Variants in CADPS observed in about 807,000 individuals in gnomAD.
CADPS encodes the protein calcium-dependent secretion activator 1.
A neutral mutation model predicts 167.3 loss-of-function variants in CADPS; 57 were observed. The observed-to-expected ratio is 0.34, with a 90% CI of 0.28 to 0.42. The LOEUF (loss-of-function observed/expected upper bound fraction) is 0.42. Among genes scored for constraint, CADPS ranks in the 20% least tolerant of loss-of-function variants. CADPS has a pLI of 1.00. For missense variants in CADPS, 1,414 were observed against 1,738.1 expected, an observed-to-expected ratio of 0.81 and a Z score of 3.32; for synonymous variants, 676 against 635.3, an observed-to-expected ratio of 1.06 and a Z score of -0.96.
At chr3:62,851,691 T>C (rs887149833) in intron 1 of CADPS, among the ~76,000 whole-genome samples, 2 of 146,596 alleles carry the variant, frequency 1.4e-5, no homozygotes, top group East Asian at 2.1e-4. Flanking sequence ...GACCTTTCTC[T>C]CTGGCTGCCC....
Position 62,399,705 on chromosome 3 carries a change from A to C in CADPS, c.3883-120T>G. The C allele has an allele frequency of 1.4e-6, 1 of 717,840 alleles. No individual in the cohort carries two copies. Among genetic ancestry groups the C allele is most frequent in the East Asian group, 2.6e-5 (1 of 39,166 alleles). 44.5% of individuals were successfully genotyped at this position (717,840 alleles called of 1,614,324 possible). Reference sequence around the variant, plus strand: ...TTCAGCTAAATATCACACTTTATGCATTGTCAAATAAAAAGCCACTGTGCT... The same window carrying C: ...TTCAGCTAAATATCACACTTTATGCCTTGTCAAATAAAAAGCCACTGTGCT... On this transcript the variant is annotated intron_variant, in intron 29 of 29. Coordinates refer to ENST00000383710, the MANE Select transcript of CADPS (RefSeq NM_003716.4). This position sits in a 1 kb window ranked among gnomAD's most constrained non-coding sequence, Gnocchi z 5.6.
At position 62,765,881 on chromosome 3, in the gene CADPS, C is replaced by T. The variant is rs1232809758; in HGVS notation, c.545G>A (p.Ser182Asn). 6.2e-7 allele frequency: 1 copy of T among 1,609,422 alleles called. No individual in the cohort carries two copies. Among genetic ancestry groups the T allele is most frequent in the Non-Finnish European group, 8.5e-7 (1 of 1,176,006 alleles). ...ADEAFMNAVQ[S>N]YYEVFLKSDR... ...AACAGTGATTCTCACCTCATAGTAA[C>T]TCTGCACAGCGTTCATGAAGGCTTC... The change falls in exon 2 of 30, where the codon AGT (serine) becomes AAT (asparagine). Residue 182 changes from serine to asparagine, a missense_variant. By Grantham distance (46) the Ser-to-Asn change is conservative. Transcript: ENST00000383710.
At chr3:62,801,998 TGTGGTTTCTATCCA>T in intron 1 of CADPS, among the ~76,000 whole-genome samples, 1 of 152,326 alleles carries the variant, frequency 6.6e-6, no homozygotes, top group African/African-American at 2.4e-5. Flanking sequence ...AACATTGCTT[TGTGGTTTCTATCCA>T]GTGAAGTCTT....
intron 17 of CADPS, 25 bp downstream of exon 17, chr3:62,512,726 T>G (rs1380464034): frequency 6.3e-7 from 1 of 1,580,974 alleles, no homozygotes; most frequent in Non-Finnish European, 8.7e-7. Flanking sequence ...CCTGATAATT[T>G]ATAATGCATA....
At chr3:62,434,272 A>T (rs1040821225) in intron 28 of CADPS, among the ~76,000 whole-genome samples, 1 of 152,216 alleles carries the variant, frequency 6.6e-6, no homozygotes, top group African/African-American at 2.4e-5. Context: ...ATGAAAAAAT[A>T]TAAAAACGCA....
chr3:62,853,635 A>AAAAAGAAAAG (rs889148384), intron 1 of CADPS, among the ~76,000 whole-genome samples: 9 of 150,508 alleles, frequency 6.0e-5, no homozygotes, highest in African/African-American at 2.2e-4. Context: ...AAAAAAAAAA[A>AAAAAGAAAAG]AAAAGAAAAG....
At position 62,875,206 on chromosome 3, in the gene CADPS, G is replaced by A; in HGVS notation, c.-177C>T. ...GACTGATCCTCTGCCCGGCGGTCGC[G>A]AGCTGGGCTCAGACCCAGAAGCGCG... On this transcript the variant is annotated 5_prime_UTR_variant, in exon 1 of 30. Coordinates refer to ENST00000383710, the MANE Select transcript of CADPS (RefSeq NM_003716.4). The A allele has an allele frequency of 1.2e-6, 1 of 833,136 alleles. No individual in the cohort carries two copies. The highest frequency in any genetic ancestry group is 1.6e-6 in the Non-Finnish European group (1 of 620,868). 51.6% of individuals were successfully genotyped at this position (833,136 alleles called of 1,614,324 possible).
chr3:62,518,636 G>T (rs1479705357), intron 13 of CADPS, among the ~76,000 whole-genome samples: 1 of 152,048 alleles, frequency 6.6e-6, no homozygotes, highest in Non-Finnish European at 1.5e-5. Flanking sequence ...TGAAAATTTG[G>T]AACAGTTAGC....
At chr3:62,710,554 T>C (rs962554056) in intron 3 of CADPS, among the ~76,000 whole-genome samples, 2 of 152,290 alleles carry the variant, frequency 1.3e-5, no homozygotes, top group South Asian at 4.1e-4. Flanking sequence ...ATGTGTAATA[T>C]GTTCAGCCTT....
At chr3:62,614,134 G>T (rs1246962816) in intron 6 of CADPS, among the ~76,000 whole-genome samples, 2 of 152,124 alleles carry the variant, frequency 1.3e-5, no homozygotes, top group Non-Finnish European at 2.9e-5. Flanking sequence ...CCTATTTATT[G>T]AGCACTTACT....
intron 1 of CADPS, among the ~76,000 whole-genome samples, chr3:62,818,999 A>G (rs1032235939): frequency 2.1e-5 from 3 of 145,126 alleles, no homozygotes; most frequent in African/African-American, 7.5e-5. Context: ...AGATAAGAAC[A>G]GTTACTGGCT....
At chr3:62,668,126 C>T (rs1332401291) in intron 3 of CADPS, among the ~76,000 whole-genome samples, 1 of 152,170 alleles carries the variant, frequency 6.6e-6, no homozygotes, top group Non-Finnish European at 1.5e-5. Flanking sequence ...TTCAGTCAAC[C>T]AAAGAGAGGA....
Position 62,688,976 on chromosome 3 carries a change from A to G in CADPS, c.889-26582T>C, listed in dbSNP as rs115224525. Among the ~76,000 whole-genome samples, 322 of 152,172 alleles carry G rather than the reference A, an allele frequency of 2.1e-3. 1 individual carries two copies. Among genetic ancestry groups the G allele is most frequent in the African/African-American group, 7.5e-3 (312 of 41,524 alleles). On this transcript the variant is annotated intron_variant, in intron 3 of 29. Transcript: ENST00000383710. ...CAATTTTCTCCAGATGAGTCCCAGA[A>G]AAAAAATCTTTCCAGCGTGTGAATA...
chr3:62,848,049 A>T, intron 1 of CADPS, among the ~76,000 whole-genome samples: 1 of 127,484 alleles, frequency 7.8e-6, no homozygotes, highest in African/African-American at 3.5e-5. Flanking sequence ...GCATTTTTTC[A>T]TGTGTTTTTT....
At chr3:62,754,941 C>T (rs746107095) in intron 2 of CADPS, among the ~76,000 whole-genome samples, 2 of 152,200 alleles carry the variant, frequency 1.3e-5, no homozygotes, top group Non-Finnish European at 2.9e-5. Flanking sequence ...TTTCTCTCTT[C>T]CTTCCTGAAA....
At position 62,420,980 on chromosome 3, in the gene CADPS, G is replaced by A. The variant is rs935982698; in HGVS notation, c.3777+17124C>T. On this transcript the variant is annotated intron_variant, in intron 28 of 29. Coordinates refer to ENST00000383710, the MANE Select transcript of CADPS (RefSeq NM_003716.4). The surrounding 1 kb of genome is among the most constrained non-coding windows in gnomAD (Gnocchi z 4.1). Reference sequence around the variant, plus strand: ...GCCAGCCATCTCATTTCTGTAAAAGGCACAAACCTCAGACCATTGTCCTTA... The same window carrying A: ...GCCAGCCATCTCATTTCTGTAAAAGACACAAACCTCAGACCATTGTCCTTA... Among the ~76,000 whole-genome samples the A allele has an allele frequency of 1.3e-5, 2 of 151,004 alleles. No individual in the cohort carries two copies. Among genetic ancestry groups the A allele is most frequent in the Non-Finnish European group, 2.9e-5 (2 of 67,882 alleles).
At chr3:62,823,663 C>T (rs538166108) in intron 1 of CADPS, among the ~76,000 whole-genome samples, 1 of 152,102 alleles carries the variant, frequency 6.6e-6, no homozygotes, top group East Asian at 1.9e-4. Context: ...TTTCTACCTC[C>T]CAAAGGCCTA....
At chr3:62,481,572 A>G in intron 22 of CADPS, 151 bp downstream of exon 22, 4 of 683,874 alleles carry the variant, frequency 5.8e-6, no homozygotes, top group Middle Eastern at 3.6e-4. Flanking sequence ...TGCATGCCAG[A>G]AATAAACAAT....
intron 1 of CADPS, among the ~76,000 whole-genome samples, chr3:62,836,704 C>G (rs1448770684): frequency 6.6e-6 from 1 of 152,086 alleles, no homozygotes; most frequent in East Asian, 1.9e-4. Context: ...TACACTGTAC[C>G]ATGCCTGGGA....
Sources: gnomAD v4.1 joint callset for allele counts (sites outside exome capture counted in the v4.1 genomes callset) on GRCh38, gnomAD v4.1.1 for gene constraint, Gnocchi (gnomAD v3.1) non-coding constraint, MANE v1.5 for transcripts, NCBI Gene and HGNC (gene_info 2026-07-23, HGNC 2026-07-21) for gene names.